The following ACR variants were observed in gnomAD, a reference collection of about 807,000 sequenced individuals.
The protein encoded by ACR is acrosin light and heavy chain prepropeptide.
ACR carries 17 observed loss-of-function variants against 26.0 expected under a neutral mutation model. The ratio of observed to expected loss-of-function variants is 0.65; its 90% CI spans 0.45 to 0.98. ACR has a LOEUF of 0.98. Ranked by LOEUF, ACR falls within the 50% of genes least tolerant of loss-of-function variation. The probability of loss-of-function intolerance (pLI) is 0.00; values close to 1 mark genes in which losing one functional copy is unlikely to be tolerated. For missense variants in ACR, 435 were observed against 519.3 expected (o/e 0.84, Z 1.58); for synonymous variants, 199 against 207.7 (o/e 0.96, Z 0.36).
rs71318831 is a variant in ACR at position 50,742,543 on chromosome 22, CA to C, written c.566-1498del. 3.7e-3 allele frequency among the ~76,000 whole-genome samples: 497 copies of C among 132,750 alleles called. 5 individuals carry two copies. Among genetic ancestry groups the C allele is most frequent in the Middle Eastern group, 0.012 (3 of 246 alleles). The allele number at this position is 132,750 out of a possible 152,430, so 87.1% of individuals were successfully genotyped here. On this transcript the variant is annotated intron_variant, in intron 3 of 4. Coordinates refer to ENST00000216139, the MANE Select transcript of ACR (RefSeq NM_001097.3). ...TGGGCGACAGAGCAAGACTCCGTCTCAAAAAAAAAAAAAAAAAAAATCGTCT... is the reference window on the plus strand; with the variant it reads ...TGGGCGACAGAGCAAGACTCCGTCTCAAAAAAAAAAAAAAAAAAATCGTCT...
intron 3 of ACR, chr22:50,743,467 G>C (rs1443008110): frequency 3.2e-5 from 5 of 154,470 alleles, no homozygotes; most frequent in African/African-American, 1.2e-4. Context: ...TGCAGCATAT[G>C]GGGAGGGACT....
Position 50,739,184 on chromosome 22 carries a change from C to T in ACR, c.78-87C>T, listed in dbSNP as rs2083412353. 1.6e-6 allele frequency: 2 copies of T among 1,269,582 alleles called. No homozygotes were observed. The highest frequency in any genetic ancestry group is 2.2e-6 in the Non-Finnish European group (2 of 901,758). The allele number at this position is 1,269,582 out of a possible 1,614,324, so 78.6% of individuals were successfully genotyped here. On this transcript the variant is annotated intron_variant, in intron 1 of 4. Transcript: ENST00000216139. The surrounding 1 kb of genome is among the most constrained non-coding windows in gnomAD (Gnocchi z 5.5). ...AAGCTCTTCCCCACTTTTCCCAACC[C>T]CATGTCCCTGCCTCCCCTCAGTTGT...
Position 50,742,371 on chromosome 22 carries a change from C to A in ACR, c.566-1690C>A, listed in dbSNP as rs1415156975. ...CATCCTGGCTAACACGGTGAAACCTCATTTCTACTAAAAATACAGAAAATT... is the reference window on the plus strand; with the variant it reads ...CATCCTGGCTAACACGGTGAAACCTAATTTCTACTAAAAATACAGAAAATT... On this transcript the variant is annotated intron_variant, in intron 3 of 4. Transcript: ENST00000216139. Among the ~76,000 whole-genome samples the A allele has an allele frequency of 2.0e-5, 3 of 151,436 alleles. No homozygotes were observed. The South Asian group carries it at 6.3e-4, about 32-fold the overall frequency.
At chr22:50,743,270 C>G (rs1269786265) in intron 3 of ACR, among the ~76,000 whole-genome samples, 1 of 152,018 alleles carries the variant, frequency 6.6e-6, no homozygotes, top group Non-Finnish European at 1.5e-5. Flanking sequence ...CTCCTGACCT[C>G]GTGATCCGCC....
intron 3 of ACR, chr22:50,740,762 C>A: frequency 2.8e-6 from 2 of 701,890 alleles, no homozygotes. Flanking sequence ...CTGATACACT[C>A]GACACCAGAT....
At chr22:50,738,370 G>T in intron 1 of ACR, 58 bp downstream of exon 1, 3 of 1,531,056 alleles carry the variant, frequency 2.0e-6, no homozygotes, top group Admixed American at 3.6e-5. Flanking sequence ...GTACCACCCC[G>T]ACTCCCTCTG....
At position 50,738,335 on chromosome 22, in the gene ACR, G is replaced by A. The variant is rs767699984; in HGVS notation, c.77+23G>A. 3 of 1,611,802 alleles carry A rather than the reference G, an allele frequency of 1.9e-6. No homozygotes were observed. The Admixed American group carries it at 5.0e-5, about 27-fold the overall frequency. ...TGAGTAAGTGTCGGGGCACCTTGGT[G>A]GGGGAAGGATCTTCTGAGGAGCAGG... On this transcript the variant is annotated intron_variant, in intron 1 of 4. Transcript: ENST00000216139.
chr22:50,738,617 G>A (rs767272641), intron 1 of ACR, among the ~76,000 whole-genome samples: 3 of 141,726 alleles, frequency 2.1e-5, no homozygotes, highest in African/African-American at 5.4e-5. Context: ...GTCCCAACCC[G>A]TGGTTGCCCC....
chr22:50,738,453 C>G, intron 1 of ACR, 141 bp downstream of exon 1: 2 of 821,632 alleles, frequency 2.4e-6, no homozygotes, highest in Non-Finnish European at 3.9e-6. Flanking sequence ...CAGCCTGGAG[C>G]CCCCAGACCC....
rs1179299704 is a variant in ACR at position 50,738,260 on chromosome 22, A to G, written c.25A>G (p.Ile9Val). Reference protein sequence around the residue: MVEMLPTAILLVLAVSVVA... With the variant: MVEMLPTAVLLVLAVSVVA... ...TATGGTTGAGATGCTACCAACTGCCATTCTGCTGGTCTTGGCAGTGTCCGT... is the reference window on the plus strand; with the variant it reads ...TATGGTTGAGATGCTACCAACTGCCGTTCTGCTGGTCTTGGCAGTGTCCGT... The change falls in exon 1 of 5, where the codon ATT (isoleucine) becomes GTT (valine). Residue 9 changes from isoleucine to valine, a missense_variant. Ile to Val is a conservative substitution (Grantham distance 29). Around this residue, in one of 3 missense-constraint regions of ACR, gnomAD observed 314 missense variants for 372.0 expected, o/e 0.84. Coordinates refer to ENST00000216139, the MANE Select transcript of ACR (RefSeq NM_001097.3). The G allele has an allele frequency of 6.2e-7, 1 of 1,613,948 alleles. No homozygotes were observed. The highest frequency in any genetic ancestry group is 2.2e-5 in the East Asian group (1 of 44,892).
intron 3 of ACR, chr22:50,740,377 T>C (rs1386372113): frequency 1.7e-6 from 1 of 585,518 alleles, no homozygotes; most frequent in Non-Finnish European, 3.0e-6. Context: ...GGTTTCCTCA[T>C]CTGTAAATGG....
Position 50,744,107 on chromosome 22 carries a change from C to T in ACR, c.612C>T (p.Ile204=), listed in dbSNP as rs372838594. Residue 204 remains isoleucine (I), a synonymous_variant, in exon 4 of 5, where the codon ATC becomes ATT. Coordinates refer to ENST00000216139, the MANE Select transcript of ACR (RefSeq NM_001097.3). ...TGATGGAGGCACGTGTGGATCTCAT[C>T]GACCTGGACTTGTGTAACTCGACCC... ...SILMEARVDL[I]DLDLCNSTQW... The T allele has an allele frequency of 2.6e-5, 42 of 1,609,084 alleles. No individual in the cohort carries two copies. The highest frequency in any genetic ancestry group is 3.4e-5 in the Admixed American group (2 of 59,406).
chr22:50,743,126 C>T (rs1158970587), intron 3 of ACR, among the ~76,000 whole-genome samples: 1 of 151,110 alleles, frequency 6.6e-6, no homozygotes, highest in East Asian at 1.9e-4. Flanking sequence ...AGCTCCGCCT[C>T]CCGGGTTCAC....
chr22:50,740,563 G>A (rs2083420767), intron 3 of ACR: 1 of 702,058 alleles, frequency 1.4e-6, no homozygotes, highest in Non-Finnish European at 2.6e-6. Context: ...TGTAGACTGG[G>A]AAGGGGACCG....
Position 50,739,274 on chromosome 22 carries a change from C to T in ACR, c.81C>T (p.Gly27=), listed in dbSNP as rs1249506134. 6.4e-7 allele frequency: 1 copy of T among 1,568,366 alleles called. No homozygotes were observed. The highest frequency in any genetic ancestry group is 8.6e-7 in the Non-Finnish European group (1 of 1,156,204). The stretch of plus-strand genomic sequence containing the variant: ...CTGTGCTCTGGTCTCTCCCCAGTGG[C>T]CCCTGTGGGTTACGGTTCAGGCAAA... ...VVAKDNATCD[G]PCGLRFRQNP... The change falls in exon 2 of 5, where the codon GGC becomes GGT. Residue 27 remains glycine, a synonymous_variant. Transcript: ENST00000216139. The surrounding 1 kb of genome is among the most constrained non-coding windows in gnomAD (Gnocchi z 5.5).
In ACR at chr22:50,739,466, C is replaced by T. The variant is rs748800676; in HGVS notation, c.273C>T (p.Val91=). The T allele has an allele frequency of 5.0e-5, 80 of 1,614,010 alleles. No homozygotes were observed. Among genetic ancestry groups the T allele is most frequent in the Admixed American group, 6.7e-5 (4 of 59,994 alleles). The change falls in exon 2 of 5, where the codon GTC becomes GTT. Residue 91 remains valine, a synonymous_variant. Transcript: ENST00000216139. The surrounding 1 kb of genome is among the most constrained non-coding windows in gnomAD (Gnocchi z 5.5). ...TGCTCACTGCTGCTCACTGCTTCGT[C>T]GGCAAAAAGTACGTGTAGGGATGCA... ...RWVLTAAHCF[V]GKNNVHDWRL...
intron 3 of ACR, among the ~76,000 whole-genome samples, chr22:50,743,308 G>T (rs199699706): frequency 4.9e-4 from 75 of 152,228 alleles, no homozygotes; most frequent in Admixed American, 9.1e-4. Context: ...GTGCTGGGAT[G>T]ACAGGCGTGA....
At position 50,744,713 on chromosome 22, in the gene ACR, G is replaced by T. The variant is rs776389360; in HGVS notation, c.772G>T (p.Gly258Ter). The change falls in exon 5 of 5, where the codon GGA becomes TGA. Residue 258 changes from glycine to a stop codon, truncating the protein, a stop_gained. Coordinates refer to ENST00000216139, the MANE Select transcript of ACR (RefSeq NM_001097.3). LOFTEE classifies it low-confidence loss of function (END_TRUNC). ...CAAGGAAAGCGCCTATGTGGTCGTG[G>T]GAATCACAAGCTGGGGGGTAGGCTG... ...DSKESAYVVV[G>*]ITSWGVGCAR... 3 of 1,613,430 alleles carry T rather than the reference G, an allele frequency of 1.9e-6. No homozygotes were observed. In the South Asian group the frequency reaches 3.3e-5, roughly 18 times the overall value.
At chr22:50,741,997 G>C (rs1336018881) in intron 3 of ACR, among the ~76,000 whole-genome samples, 1 of 152,064 alleles carries the variant, frequency 6.6e-6, no homozygotes, top group African/African-American at 2.4e-5. Flanking sequence ...TTAGCAGGGT[G>C]TGGTGGTGGA....
Sources: allele counts gnomAD v4.1 joint callset (sites outside exome capture counted in the v4.1 genomes callset), GRCh38; gene constraint gnomAD v4.1.1; regional missense constraint gnomAD v4.1.1; non-coding constraint Gnocchi (gnomAD v3.1); transcripts MANE v1.5; gene names NCBI Gene and HGNC (gene_info 2026-07-23, HGNC 2026-07-21).